Variants in SCARA3 observed in about 807,000 individuals in gnomAD.
SCARA3 encodes scavenger receptor class A member 3.
SCARA3 carries 39 observed loss-of-function variants against 47.0 expected under a neutral mutation model. That is an observed-to-expected ratio of 0.83 (90% CI 0.64 to 1.08). The LOEUF is 1.08. Ranked by LOEUF, SCARA3 falls within the 50% of genes least tolerant of loss-of-function variation. The pLI is 0.00. For synonymous variants in SCARA3, 356 were observed against 334.1 expected, an observed-to-expected ratio of 1.07 and a Z score of -0.71; for missense variants, 724 against 792.3, an observed-to-expected ratio of 0.91 and a Z score of 1.04.
chr8:27,662,058 C>A (rs1801923803), intron 5 of SCARA3, among the ~76,000 whole-genome samples: 1 of 152,174 alleles, frequency 6.6e-6, no homozygotes, highest in East Asian at 1.9e-4. Context: ...ACTTCCTGTT[C>A]AATGGAATCA....
intron 5 of SCARA3, 45 bp from the exon 6 acceptor site, chr8:27,670,855 G>A (rs1802131192): frequency 6.8e-7 from 1 of 1,475,240 alleles, no homozygotes; most frequent in Non-Finnish European, 9.1e-7. Flanking sequence ...CTCGGGTGGG[G>A]AGCCCCTGAC....
chr8:27,716,172 G>A, the SCARA3 span, among the ~76,000 whole-genome samples: 1 of 152,264 alleles, frequency 6.6e-6, no homozygotes, highest in Admixed American at 6.5e-5. Flanking sequence ...AATTAGCTGG[G>A]TGTGGTGGTG....
chr8:27,660,849 GAT>G (rs1801897442), intron 5 of SCARA3, among the ~76,000 whole-genome samples: 1 of 92,720 alleles, frequency 1.1e-5, no homozygotes, highest in Admixed American at 1.1e-4. Context: ...TAGCTAGATA[GAT>G]AGATAGATAG....
At chr8:27,720,872 C>G in the SCARA3 span, among the ~76,000 whole-genome samples, 3 of 152,150 alleles carry the variant, frequency 2.0e-5, no homozygotes, top group Non-Finnish European at 4.4e-5. Context: ...ATCCACTCAC[C>G]CATCCATTCA....
chr8:27,703,932 T>G, the SCARA3 span: 1 of 143,804 alleles, frequency 7.0e-6, no homozygotes, highest in Non-Finnish European at 1.5e-5. Flanking sequence ...AGAGTTTTGA[T>G]GAAATGATAC....
rs35203675 is a variant in SCARA3 at position 27,643,223 on chromosome 8, A to G, written c.8-6479A>G. Among the ~76,000 whole-genome samples, 231 of 152,292 alleles carry G rather than the reference A, an allele frequency of 1.5e-3. 6 individuals are homozygous for G. In the East Asian group the frequency reaches 0.023, roughly 15 times the overall value. On this transcript the variant is annotated intron_variant, in intron 1 of 5. Transcript: ENST00000301904. ...AAGAAAGTTGTTTAGGATAAAGGGGATTTAGGATAAAGCAGGGATTTACCC... is the reference window on the plus strand; with the variant it reads ...AAGAAAGTTGTTTAGGATAAAGGGGGTTTAGGATAAAGCAGGGATTTACCC...
the SCARA3 span, among the ~76,000 whole-genome samples, chr8:27,726,679 A>G: frequency 1.3e-5 from 2 of 152,170 alleles, no homozygotes; most frequent in Non-Finnish European, 2.9e-5. Context: ...TAGCCTGGGC[A>G]ATAAGAGCAA....
intron 1 of SCARA3, among the ~76,000 whole-genome samples, chr8:27,642,901 A>G (rs1801412321): frequency 6.6e-6 from 1 of 152,158 alleles, no homozygotes; most frequent in Non-Finnish European, 1.5e-5. Flanking sequence ...CATGGGGTTC[A>G]GGGGAGTCGG....
At chr8:27,656,999 C>G in intron 4 of SCARA3, 119 bp downstream of exon 4, 1 of 681,522 alleles carries the variant, frequency 1.5e-6, no homozygotes, top group Non-Finnish European at 2.6e-6. Flanking sequence ...GGCACAGAGG[C>G]TATCCCCAGC....
At chr8:27,700,285 G>A in the SCARA3 span, among the ~76,000 whole-genome samples, 1 of 152,046 alleles carries the variant, frequency 6.6e-6, no homozygotes, top group Non-Finnish European at 1.5e-5. Context: ...TTGCTTTCAG[G>A]ATACATAAAG....
chr8:27,726,662 T>G, the SCARA3 span, among the ~76,000 whole-genome samples: 113 of 152,172 alleles, frequency 7.4e-4, no homozygotes, highest in Non-Finnish European at 1.4e-3. Context: ...ATTGTGCCAC[T>G]GCACTCTAGC....
At chr8:27,721,362 GGGGACAGAGAAGTAACAAACATTTCA>G in the SCARA3 span, among the ~76,000 whole-genome samples, 1 of 152,126 alleles carries the variant, frequency 6.6e-6, no homozygotes, top group Non-Finnish European at 1.5e-5. Context: ...TCTAGGCATT[GGGGACAGAGAAGTAACAAACATTTCA>G]GGTCTTATGG....
the SCARA3 span, among the ~76,000 whole-genome samples, chr8:27,719,797 T>G: frequency 6.6e-6 from 1 of 152,204 alleles, no homozygotes; most frequent in Non-Finnish European, 1.5e-5. Context: ...CCTTCCCAAC[T>G]GTCTTTAAAG....
chr8:27,693,613 A>G, the SCARA3 span, among the ~76,000 whole-genome samples: 40 of 152,050 alleles, frequency 2.6e-4, no homozygotes, highest in Non-Finnish European at 5.0e-4. Context: ...GAATTACATA[A>G]AAATCTTGGT....
chr8:27,671,154 G>T lies in SCARA3; in HGVS notation c.1624G>T (p.Asp542Tyr). The T allele has an allele frequency of 6.5e-7, 1 of 1,545,692 alleles. No individual in the cohort carries two copies. Among genetic ancestry groups the T allele is most frequent in the Non-Finnish European group, 8.7e-7 (1 of 1,148,542 alleles). Residue 542 changes from aspartate (D) to tyrosine (Y), a missense_variant, in exon 6 of 6, where the codon GAC becomes TAC. By Grantham distance (160) the Asp-to-Tyr change is radical. Transcript: ENST00000301904. ...GPRGQPGPKGDIGPPGPEGPP... is the reference protein window; with the variant it reads ...GPRGQPGPKGYIGPPGPEGPP... ...GAGAGGACAGCCAGGCCCAAAAGGGGACATAGGGCCCCCAGGGCCAGAAGG... is the reference window on the plus strand; with the variant it reads ...GAGAGGACAGCCAGGCCCAAAAGGGTACATAGGGCCCCCAGGGCCAGAAGG...
At chr8:27,681,810 A>G in the SCARA3 span, among the ~76,000 whole-genome samples, 1 of 152,074 alleles carries the variant, frequency 6.6e-6, no homozygotes, top group Non-Finnish European at 1.5e-5. Flanking sequence ...GGCGATATAT[A>G]CCATGTTCAT....
the SCARA3 span, among the ~76,000 whole-genome samples, chr8:27,709,988 T>C: frequency 1.6e-4 from 25 of 152,110 alleles, no homozygotes; most frequent in Admixed American, 1.4e-3. Flanking sequence ...CTCAGCACTT[T>C]GGGAGGCTAA....
At chr8:27,656,752 G>T in intron 3 of SCARA3, 30 bp from the exon 4 acceptor site, 1 of 1,376,760 alleles carries the variant, frequency 7.3e-7, no homozygotes. Flanking sequence ...CTTAGACCCT[G>T]CCCCAGCTTC....
chr8:27,644,461 A>G (rs982894279), intron 1 of SCARA3, among the ~76,000 whole-genome samples: 73 of 152,134 alleles, frequency 4.8e-4, no homozygotes, highest in African/African-American at 1.6e-3. Flanking sequence ...TCGTTCTTTC[A>G]TGATTCCCAT....
Sources: gnomAD v4.1 joint callset for allele counts (sites outside exome capture counted in the v4.1 genomes callset) on GRCh38, gnomAD v4.1.1 for gene constraint, MANE v1.5 for transcripts, NCBI Gene and HGNC (gene_info 2026-07-23, HGNC 2026-07-21) for gene names.